Variants in XKR9 observed in about 807,000 individuals in gnomAD.
XKR9 encodes the protein XK related 9.
In XKR9, 32 loss-of-function variants were observed where a neutral mutation model predicts 32.0. The observed-to-expected ratio is 1.00, with a 90% CI of 0.76 to 1.34. XKR9 has a LOEUF of 1.34. Ranked by LOEUF, XKR9 falls within the 40% of genes most tolerant of loss-of-function variation. The pLI is 0.00. For synonymous variants in XKR9, 168 were observed against 143.4 expected (o/e 1.17, Z -1.22); for missense variants, 546 against 429.7 (o/e 1.27, Z -2.39).
chr8:70,777,294 T>G (rs1353019797), intron 2 of XKR9, among the ~76,000 whole-genome samples: 1 of 152,128 alleles, frequency 6.6e-6, no homozygotes, highest in African/African-American at 2.4e-5. Flanking sequence ...ACTCATCCTT[T>G]TTTATGGCTG....
the XKR9 span, among the ~76,000 whole-genome samples, chr8:70,989,982 A>G: frequency 2.0e-5 from 3 of 152,138 alleles, no homozygotes; most frequent in African/African-American, 7.2e-5. Flanking sequence ...TAATGCCCTT[A>G]AGGTTCATCC....
intron 2 of XKR9, among the ~76,000 whole-genome samples, chr8:70,781,313 G>T (rs1466557662): frequency 6.6e-6 from 1 of 151,812 alleles, no homozygotes; most frequent in African/African-American, 2.4e-5. Flanking sequence ...TAAACATTCT[G>T]GTTACTAGAC....
intron 4 of XKR9, among the ~76,000 whole-genome samples, chr8:70,719,491 A>C (rs2132211176): frequency 1.3e-5 from 2 of 152,308 alleles, no homozygotes; most frequent in South Asian, 4.1e-4. Context: ...ATAATGTTTA[A>C]GGAAGGGATC....
downstream of XKR9, among the ~76,000 whole-genome samples, chr8:70,792,043 C>T (rs1290285007): frequency 6.6e-6 from 1 of 152,070 alleles, no homozygotes; most frequent in Admixed American, 6.6e-5. Context: ...CTGTCCAAGC[C>T]TGTCCTTAAG....
intron 2 of XKR9, among the ~76,000 whole-genome samples, chr8:70,759,029 A>C (rs770354932): frequency 2.0e-5 from 3 of 152,196 alleles, no homozygotes; most frequent in Non-Finnish European, 4.4e-5. Context: ...AAGCTATATT[A>C]TGCAAATGAC....
At chr8:70,856,152 G>T in the XKR9 span, among the ~76,000 whole-genome samples, 3 of 152,004 alleles carry the variant, frequency 2.0e-5, no homozygotes, top group Non-Finnish European at 2.9e-5. Context: ...ATAAATGGGC[G>T]AAATGCTCCA....
the XKR9 span, among the ~76,000 whole-genome samples, chr8:71,007,172 T>C: frequency 1.3e-5 from 2 of 152,212 alleles, no homozygotes; most frequent in African/African-American, 2.4e-5. Context: ...GGAAGAAATG[T>C]AGTAGAAGAA....
At chr8:70,937,128 A>G in the XKR9 span, among the ~76,000 whole-genome samples, 1 of 151,944 alleles carries the variant, frequency 6.6e-6, no homozygotes, top group East Asian at 1.9e-4. Flanking sequence ...AACCTCCTGC[A>G]TATGCGTATG....
the XKR9 span, among the ~76,000 whole-genome samples, chr8:71,057,513 A>G: frequency 5.1e-4 from 77 of 152,338 alleles, no homozygotes; most frequent in Admixed American, 1.4e-3. Context: ...TTTTCAGGAA[A>G]AGAATGCTGT....
intron 4 of XKR9, among the ~76,000 whole-genome samples, chr8:70,709,048 A>G (rs770010239): frequency 1.1e-4 from 17 of 152,170 alleles, no homozygotes; most frequent in Non-Finnish European, 2.2e-4. Context: ...AAAATCCTCA[A>G]CAAAATACTA....
intron 2 of XKR9, among the ~76,000 whole-genome samples, chr8:70,677,152 T>C (rs1395072163): frequency 2.1e-5 from 3 of 145,412 alleles, no homozygotes; most frequent in Non-Finnish European, 3.1e-5. Flanking sequence ...AAATCTTTTT[T>C]TGTTTTGTTT....
At chr8:70,996,362 T>A in the XKR9 span, among the ~76,000 whole-genome samples, 1 of 152,214 alleles carries the variant, frequency 6.6e-6, no homozygotes, top group Non-Finnish European at 1.5e-5. Flanking sequence ...GAACAACTTG[T>A]GGCAATTGAT....
At chr8:70,860,653 C>A in the XKR9 span, among the ~76,000 whole-genome samples, 1 of 151,782 alleles carries the variant, frequency 6.6e-6, no homozygotes, top group Non-Finnish European at 1.5e-5. Context: ...AACCTAGCCT[C>A]CCCATCCCCA....
At chr8:71,065,141 T>C in the XKR9 span, among the ~76,000 whole-genome samples, 1 of 152,310 alleles carries the variant, frequency 6.6e-6, no homozygotes, top group South Asian at 2.1e-4. Context: ...ATACTCTTTA[T>C]TGACAAAACA....
chr8:70,892,376 G>A, the XKR9 span, among the ~76,000 whole-genome samples: 2 of 152,024 alleles, frequency 1.3e-5, no homozygotes, highest in Non-Finnish European at 2.9e-5. Flanking sequence ...GAGATTTTAT[G>A]CAGTGATAAG....
At chr8:70,829,257 G>T in the XKR9 span, among the ~76,000 whole-genome samples, 4 of 152,106 alleles carry the variant, frequency 2.6e-5, no homozygotes, top group Non-Finnish European at 5.9e-5. Flanking sequence ...CAGGACTTCT[G>T]TATAGGTTAA....
At chr8:71,050,262 G>GAT in the XKR9 span, among the ~76,000 whole-genome samples, 1,262 of 79,782 alleles carry the variant, frequency 0.016, 32 homozygotes, top group African/African-American at 0.059. Flanking sequence ...TATATATATA[G>GAT]ATAGATAGAT....
the XKR9 span, among the ~76,000 whole-genome samples, chr8:70,863,918 C>T: frequency 3.8e-4 from 58 of 152,256 alleles, no homozygotes; most frequent in South Asian, 3.1e-3. Flanking sequence ...CTTTTTTCCA[C>T]ATAATGATGC....
chr8:71,036,870 C>CTTT, the XKR9 span, among the ~76,000 whole-genome samples: 1,407 of 135,402 alleles, frequency 0.01, 23 homozygotes, highest in African/African-American at 0.033. Context: ...GAGATTGCAC[C>CTTT]TTTTTTTTTT....
Sources: gnomAD v4.1 joint callset for allele counts (sites outside exome capture counted in the v4.1 genomes callset) on GRCh38, gnomAD v4.1.1 for gene constraint, MANE v1.5 for transcripts, NCBI Gene and HGNC (gene_info 2026-07-23, HGNC 2026-07-21) for gene names.